Variants in CSMD1 observed in about 807,000 individuals in gnomAD.
CSMD1 encodes the protein CUB and sushi domain-containing protein 1.
Under a neutral mutation model 417.5 loss-of-function variants are expected in CSMD1, and 213 were observed. The ratio of observed to expected loss-of-function variants is 0.51; its 90% CI spans 0.46 to 0.57. The LOEUF (loss-of-function observed/expected upper bound fraction) is 0.57. CSMD1 is among the 20% of genes least tolerant of loss of function. The pLI is 0.00. For synonymous variants in CSMD1, 2,862 were observed against 1,736.8 expected, an observed-to-expected ratio of 1.65 and a Z score of -16.11; for missense variants, 6,923 against 4,529.7, an observed-to-expected ratio of 1.53 and a Z score of -15.17.
intron 1 of CSMD1, among the ~76,000 whole-genome samples, chr8:4,750,923 T>C (rs1811285123): frequency 6.6e-6 from 1 of 152,232 alleles, no homozygotes; most frequent in Admixed American, 6.5e-5. Flanking sequence ...ATAGCTCCAT[T>C]GCCTGGCATA....
At chr8:3,519,371 G>A (rs112368694) in intron 10 of CSMD1, among the ~76,000 whole-genome samples, 1 of 152,150 alleles carries the variant, frequency 6.6e-6, no homozygotes, top group African/African-American at 2.4e-5. Flanking sequence ...TCTTGAAAGG[G>A]TTTCTATGGA....
At chr8:3,483,851 C>G (rs919924675) in intron 11 of CSMD1, among the ~76,000 whole-genome samples, 1 of 152,070 alleles carries the variant, frequency 6.6e-6, no homozygotes, top group African/African-American at 2.4e-5. Flanking sequence ...AAAAATCAAT[C>G]AATGTCATCC....
At chr8:4,559,124 C>T (rs6993357) in intron 2 of CSMD1, among the ~76,000 whole-genome samples, 4,505 of 152,152 alleles carry the variant, frequency 0.03, 216 homozygotes, top group African/African-American at 0.1. Flanking sequence ...GGGTTAAATA[C>T]GCAAATAGGC....
intron 12 of CSMD1, among the ~76,000 whole-genome samples, chr8:3,429,764 T>A (rs1048799056): frequency 6.6e-6 from 1 of 152,164 alleles, no homozygotes; most frequent in African/African-American, 2.4e-5. Flanking sequence ...AAGTCTATGG[T>A]TGTTGTTTTC....
intron 3 of CSMD1, among the ~76,000 whole-genome samples, chr8:4,135,043 T>C (rs368558965): frequency 3.7e-4 from 56 of 152,292 alleles, no homozygotes; most frequent in African/African-American, 1.3e-3. Context: ...ATAGACCCCT[T>C]TCTTAAACTC....
chr8:3,561,873 T>C (rs1799481146), intron 10 of CSMD1, among the ~76,000 whole-genome samples: 1 of 152,182 alleles, frequency 6.6e-6, no homozygotes, highest in Non-Finnish European at 1.5e-5. Flanking sequence ...AGGCAGGGGC[T>C]AGCATTCACA....
At chr8:4,788,750 T>C (rs1170747232) in intron 1 of CSMD1, among the ~76,000 whole-genome samples, 1 of 151,398 alleles carries the variant, frequency 6.6e-6, no homozygotes, top group East Asian at 1.9e-4. Flanking sequence ...CATGAAAACC[T>C]AAAAAAAATA....
At position 4,594,268 on chromosome 8, in the gene CSMD1, A is replaced by T. The variant is rs181333972; in HGVS notation, c.302+43074T>A. 1.5e-4 allele frequency among the ~76,000 whole-genome samples: 20 copies of T among 132,644 alleles called. No homozygotes were observed. In the East Asian group the frequency reaches 2.8e-3, roughly 18 times the overall value. The allele number at this position is 132,644 out of a possible 152,430, so 87.0% of individuals were successfully genotyped here. On this transcript the variant is annotated intron_variant, in intron 2 of 69. Coordinates refer to ENST00000635120, the MANE Select transcript of CSMD1 (RefSeq NM_033225.6). ...ACCCAGGCTGGAGTGCAGTGGCGTG[A>T]TCTCAGCTCACTGCAACCTCTGACT...
At chr8:4,179,428 C>T (rs1392398849) in intron 3 of CSMD1, among the ~76,000 whole-genome samples, 1 of 151,984 alleles carries the variant, frequency 6.6e-6, no homozygotes, top group Non-Finnish European at 1.5e-5. Context: ...AAAATCAATT[C>T]AAGATGGATT....
At chr8:3,819,635 G>A (rs1374691734) in intron 5 of CSMD1, among the ~76,000 whole-genome samples, 2 of 152,056 alleles carry the variant, frequency 1.3e-5, no homozygotes, top group South Asian at 2.1e-4. Flanking sequence ...CCAGGCTGGA[G>A]TACAGTGGAG....
Position 3,308,498 on chromosome 8 carries a change from C to A in CSMD1, c.3637G>T (p.Asp1213Tyr), listed in dbSNP as rs954440887. 2.5e-6 allele frequency: 4 copies of A among 1,609,800 alleles called. No individual in the cohort carries two copies. The highest frequency in any genetic ancestry group is 2.5e-6 in the Non-Finnish European group (3 of 1,177,110). Residue 1213 changes from aspartate (D) to tyrosine (Y), a missense_variant, in exon 24 of 70, where the codon GAT becomes TAT. By Grantham distance (160) the Asp-to-Tyr change is radical (BLOSUM62 -3). Transcript: ENST00000635120. ...QGFQLTYTSF[D>Y]LVKCEDPGIP... ...CCCGGATCCTCACATTTTACCAGAT[C>A]AAAACCTGCAAGAGAGAAAGGCAAG...
chr8:4,110,902 T>A (rs1801817782), intron 3 of CSMD1, among the ~76,000 whole-genome samples: 1 of 152,136 alleles, frequency 6.6e-6, no homozygotes, highest in South Asian at 2.1e-4. Flanking sequence ...TCAAAAGACA[T>A]AAAGTGAGAC....
intron 26 of CSMD1, among the ~76,000 whole-genome samples, chr8:3,277,928 C>T (rs1006386204): frequency 6.6e-6 from 1 of 152,156 alleles, no homozygotes; most frequent in African/African-American, 2.4e-5. Flanking sequence ...AATTGGTACA[C>T]ATGAAAAGCT....
At chr8:3,785,624 G>C (rs991977936) in intron 5 of CSMD1, among the ~76,000 whole-genome samples, 3 of 152,240 alleles carry the variant, frequency 2.0e-5, no homozygotes, top group African/African-American at 7.2e-5. Context: ...TTAGAAGCAA[G>C]TTACCATCGA....
intron 1 of CSMD1, among the ~76,000 whole-genome samples, chr8:4,679,400 C>T (rs1339849297): frequency 2.6e-5 from 4 of 152,250 alleles, no homozygotes; most frequent in Admixed American, 6.5e-5. Flanking sequence ...TGCCTAACAA[C>T]GAATTAAAAT....
At chr8:3,611,280 A>G (rs1321267099) in intron 8 of CSMD1, among the ~76,000 whole-genome samples, 1 of 152,014 alleles carries the variant, frequency 6.6e-6, no homozygotes, top group Non-Finnish European at 1.5e-5. Flanking sequence ...TTGAGGGAGC[A>G]GGGAAAATGA....
chr8:4,551,930 G>A (rs926942954), intron 2 of CSMD1, among the ~76,000 whole-genome samples: 1 of 148,588 alleles, frequency 6.7e-6, no homozygotes, highest in African/African-American at 2.5e-5. Flanking sequence ...CAAGCAATCT[G>A]CCCACCTTGA....
intron 20 of CSMD1, among the ~76,000 whole-genome samples, chr8:3,365,341 A>C (rs773385319): frequency 1.9e-4 from 29 of 152,206 alleles, no homozygotes; most frequent in Admixed American, 7.9e-4. Context: ...AATTAGAGGG[A>C]GTATAAAGTA....
At chr8:2,990,213 G>C (rs912010745) in intron 54 of CSMD1, among the ~76,000 whole-genome samples, 7 of 152,224 alleles carry the variant, frequency 4.6e-5, no homozygotes, top group Non-Finnish European at 5.9e-5. Flanking sequence ...AGCTGCATGA[G>C]CAAGAGGCTG....
Sources: allele counts gnomAD v4.1 joint callset (sites outside exome capture counted in the v4.1 genomes callset), GRCh38; gene constraint gnomAD v4.1.1; transcripts MANE v1.5; gene names NCBI Gene and HGNC (gene_info 2026-07-23, HGNC 2026-07-21).